The following STK32B variants were observed in gnomAD, a reference collection of about 807,000 sequenced individuals.
STK32B encodes serine/threonine-protein kinase 32B.
Under a neutral mutation model 52.6 loss-of-function variants are expected in STK32B, and 43 were observed. The ratio of observed to expected loss-of-function variants is 0.82; its 90% CI spans 0.64 to 1.05. The LOEUF (loss-of-function observed/expected upper bound fraction) is 1.05. Ranked by LOEUF, STK32B falls within the 50% of genes least tolerant of loss-of-function variation. The pLI is 0.00. For missense variants in STK32B, 621 were observed against 534.6 expected, an observed-to-expected ratio of 1.16 and a Z score of -1.59; for synonymous variants, 238 against 204.3, an observed-to-expected ratio of 1.17 and a Z score of -1.41.
chr4:5,499,089 C>T lies in STK32B; in HGVS notation c.*6C>T. On this transcript the variant is annotated 3_prime_UTR_variant, in exon 12 of 12. Coordinates refer to ENST00000282908, the MANE Select transcript of STK32B (RefSeq NM_018401.3). Reference sequence around the variant, plus strand: ...CCCGTGGCTGCAGCAGCTGAGCCCACACTTGTTGCTGCTCAACAGGACTGC... The same window carrying T: ...CCCGTGGCTGCAGCAGCTGAGCCCATACTTGTTGCTGCTCAACAGGACTGC... 6.2e-7 allele frequency: 1 copy of T among 1,606,928 alleles called. No homozygotes were observed.
At chr4:5,310,921 T>C (rs551489993) in intron 3 of STK32B, among the ~76,000 whole-genome samples, 1 of 152,296 alleles carries the variant, frequency 6.6e-6, no homozygotes, top group South Asian at 2.1e-4. Flanking sequence ...TTATGTTAGA[T>C]AAAATAAGCC....
chr4:5,170,475 A>G (rs1316087781), intron 3 of STK32B, among the ~76,000 whole-genome samples: 1 of 151,478 alleles, frequency 6.6e-6, no homozygotes, highest in Non-Finnish European at 1.5e-5. Context: ...CCACCCCACA[A>G]CAGTCTCTGG....
chr4:5,160,432 G>A (rs951296079), intron 2 of STK32B, among the ~76,000 whole-genome samples: 8 of 152,130 alleles, frequency 5.3e-5, no homozygotes, highest in African/African-American at 1.9e-4. Context: ...CTTCCACAGA[G>A]GCTGTGCCCT....
rs1577298610 is a variant in STK32B at position 5,289,341 on chromosome 4, G to A, written c.261-41879G>A. ...CCTGGAAGTTGCTCTGGGTGAGTCAGTGAGTGAGTGGTGAGTGAATGTGAG... is the reference window on the plus strand; with the variant it reads ...CCTGGAAGTTGCTCTGGGTGAGTCAATGAGTGAGTGGTGAGTGAATGTGAG... On this transcript the variant is annotated intron_variant, in intron 3 of 11. Coordinates refer to ENST00000282908, the MANE Select transcript of STK32B (RefSeq NM_018401.3). 2.0e-5 allele frequency among the ~76,000 whole-genome samples: 3 copies of A among 152,320 alleles called. No homozygotes were observed. The Middle Eastern group carries it at 0.01, about 518-fold the overall frequency.
intron 11 of STK32B, among the ~76,000 whole-genome samples, chr4:5,472,091 G>T (rs1355165582): frequency 6.6e-6 from 1 of 152,244 alleles, no homozygotes; most frequent in Non-Finnish European, 1.5e-5. Flanking sequence ...GCAAGTAGGA[G>T]CTGAGAGGAC....
At chr4:5,044,854 T>G in the STK32B span, among the ~76,000 whole-genome samples, 4 of 152,290 alleles carry the variant, frequency 2.6e-5, no homozygotes, top group African/African-American at 9.6e-5. Flanking sequence ...GAGGCTGCAG[T>G]GAGCCATGAT....
intron 3 of STK32B, among the ~76,000 whole-genome samples, chr4:5,255,489 A>G (rs1250549054): frequency 6.6e-6 from 1 of 152,096 alleles, no homozygotes; most frequent in Non-Finnish European, 1.5e-5. Context: ...ATAGCTCAAC[A>G]CATTTCTTAC....
intron 3 of STK32B, among the ~76,000 whole-genome samples, chr4:5,230,401 G>A (rs1275070192): frequency 6.6e-6 from 1 of 151,688 alleles, no homozygotes; most frequent in East Asian, 1.9e-4. Flanking sequence ...TATTAGCCAG[G>A]CTGGTATCGA....
rs151077582 is a variant in STK32B at position 5,167,739 on chromosome 4, C to T, written c.109-560C>T. On this transcript the variant is annotated intron_variant, in intron 2 of 11. Coordinates refer to ENST00000282908, the MANE Select transcript of STK32B (RefSeq NM_018401.3). ...ACTCCCGTTTCTAACAGTCGTGGAT[C>T]GAATGTTGCTCTGAGGACATTAATT... Among the ~76,000 whole-genome samples, 26 of 152,278 alleles carry T rather than the reference C, an allele frequency of 1.7e-4. No homozygotes were observed. In the East Asian group the frequency reaches 1.9e-3, roughly 11 times the overall value.
chr4:5,112,331 C>T (rs1030925266), intron 1 of STK32B, among the ~76,000 whole-genome samples: 3 of 152,144 alleles, frequency 2.0e-5, no homozygotes, highest in Admixed American at 6.5e-5. Context: ...TTCATGTATT[C>T]AGGAGACTAA....
intron 2 of STK32B, among the ~76,000 whole-genome samples, chr4:5,152,782 C>T (rs1319160522): frequency 6.6e-6 from 1 of 152,242 alleles, no homozygotes; most frequent in Admixed American, 6.5e-5. Context: ...TGAGAGGGAC[C>T]TGGGTGGACA....
intron 3 of STK32B, among the ~76,000 whole-genome samples, chr4:5,174,233 G>C (rs937837344): frequency 1.3e-5 from 2 of 151,962 alleles, no homozygotes; most frequent in Non-Finnish European, 2.9e-5. Flanking sequence ...ACAGGACACT[G>C]ATGGGTCTTG....
intron 1 of STK32B, among the ~76,000 whole-genome samples, chr4:5,137,035 A>G (rs1370922100): frequency 1.3e-5 from 2 of 152,208 alleles, no homozygotes; most frequent in Non-Finnish European, 2.9e-5. Context: ...TTATAACACT[A>G]ATTATTAAAG....
intron 3 of STK32B, among the ~76,000 whole-genome samples, chr4:5,229,495 C>T (rs1346990783): frequency 2.0e-5 from 3 of 152,140 alleles, no homozygotes; most frequent in Non-Finnish European, 4.4e-5. Flanking sequence ...TTTGGCATAG[C>T]TTCCTCTCCT....
intron 6 of STK32B, among the ~76,000 whole-genome samples, chr4:5,418,151 C>G (rs562369347): frequency 6.6e-6 from 1 of 152,340 alleles, no homozygotes; most frequent in East Asian, 1.9e-4. Flanking sequence ...ATGAAACAAC[C>G]CATCACTGTG....
At chr4:5,118,180 G>A (rs905290728) in intron 1 of STK32B, among the ~76,000 whole-genome samples, 1 of 152,124 alleles carries the variant, frequency 6.6e-6, no homozygotes, top group Non-Finnish European at 1.5e-5. Flanking sequence ...GATGCTATAA[G>A]GTCCTGTGCT....
At position 5,396,652 on chromosome 4, in the gene STK32B, C is replaced by A. The variant is rs1736939780; in HGVS notation, c.435-1555C>A. ...TTCCCTGGGCCACAGCCATCTCCTCCCTGGTCCCCACACCACACATTAAAT... is the reference window on the plus strand; with the variant it reads ...TTCCCTGGGCCACAGCCATCTCCTCACTGGTCCCCACACCACACATTAAAT... On this transcript the variant is annotated intron_variant, in intron 4 of 11. Coordinates refer to ENST00000282908, the MANE Select transcript of STK32B (RefSeq NM_018401.3). This position sits in a 1 kb window ranked among gnomAD's most constrained non-coding sequence, Gnocchi z 4.7. Among the ~76,000 whole-genome samples the A allele has an allele frequency of 6.6e-6, 1 of 152,178 alleles. No homozygotes were observed. The highest frequency in any genetic ancestry group is 6.5e-5 in the Admixed American group (1 of 15,276).
Position 5,500,476 on chromosome 4 carries a change from A to G in STK32B, c.*1393A>G, listed in dbSNP as rs1258477827. The G allele has an allele frequency of 1.3e-5, 2 of 152,094 alleles. No homozygotes were observed. The highest frequency in any genetic ancestry group is 1.3e-4 in the Admixed American group (2 of 15,274). The allele number at this position is 152,094 out of a possible 1,614,324, so 9.4% of individuals were successfully genotyped here. On this transcript the variant is annotated 3_prime_UTR_variant, in exon 12 of 12. Transcript: ENST00000282908. ...AACAAACCTGTTTAGGATTCTTCCA[A>G]ATGTTCTTCCTGGGGTCTTTGATAT... is the stretch of plus-strand genomic sequence containing the variant.
intron 4 of STK32B, among the ~76,000 whole-genome samples, chr4:5,385,992 C>CA (rs1416420385): frequency 7.9e-6 from 1 of 127,188 alleles, no homozygotes; most frequent in Non-Finnish European, 1.6e-5. Flanking sequence ...CCACAGCCCC[C>CA]ACCCATGGCC....
Sources: gnomAD v4.1 joint callset for allele counts (sites outside exome capture counted in the v4.1 genomes callset) on GRCh38, gnomAD v4.1.1 for gene constraint, Gnocchi (gnomAD v3.1) non-coding constraint, MANE v1.5 for transcripts, NCBI Gene and HGNC (gene_info 2026-07-23, HGNC 2026-07-21) for gene names.